CNTN3: variants seen among roughly 807,000 people sequenced by gnomAD.
The protein encoded by CNTN3 is contactin-3.
CNTN3 carries 60 observed loss-of-function variants against 119.1 expected under a neutral mutation model. The observed-to-expected ratio is 0.50, with a 90% confidence interval of 0.41 to 0.62. CNTN3 has a LOEUF of 0.62. Ranked by LOEUF, CNTN3 falls within the 20% of genes least tolerant of loss-of-function variation. The pLI, the probability that CNTN3 is intolerant of heterozygous loss-of-function variation, is 0.00. For missense variants in CNTN3, 1,101 were observed against 1,242.4 expected (o/e 0.89, Z 1.71); for synonymous variants, 450 against 438.7 (o/e 1.03, Z -0.32).
chr3:74,394,532 C>T (rs1175073720), intron 5 of CNTN3, among the ~76,000 whole-genome samples: 1 of 151,980 alleles, frequency 6.6e-6, no homozygotes, highest in Non-Finnish European at 1.5e-5. Flanking sequence ...TAAAAACTCA[C>T]TATGAAGATG....
chr3:74,529,619 A>G (rs564054480), intron 1 of CNTN3, among the ~76,000 whole-genome samples: 2 of 152,098 alleles, frequency 1.3e-5, no homozygotes, highest in Non-Finnish European at 2.9e-5. Flanking sequence ...TTGTAAAATC[A>G]TTTATTACAC....
intron 4 of CNTN3, among the ~76,000 whole-genome samples, chr3:74,478,617 G>A (rs1702704150): frequency 6.6e-6 from 1 of 152,092 alleles, no homozygotes; most frequent in Non-Finnish European, 1.5e-5. Context: ...AGGTAATAAT[G>A]AGGTGAGCCC....
chr3:74,416,836 A>G (rs1469319301), intron 5 of CNTN3, among the ~76,000 whole-genome samples: 1 of 151,924 alleles, frequency 6.6e-6, no homozygotes, highest in Non-Finnish European at 1.5e-5. Context: ...AAAAACACAA[A>G]AATTAGCCGG....
chr3:74,318,400 G>A (rs1702892321), intron 13 of CNTN3, among the ~76,000 whole-genome samples: 2 of 152,158 alleles, frequency 1.3e-5, no homozygotes, highest in African/African-American at 4.8e-5. Context: ...TCCTTTGGAG[G>A]AGGAGAGGCG....
intron 4 of CNTN3, among the ~76,000 whole-genome samples, chr3:74,426,083 C>G (rs1039342994): frequency 6.6e-6 from 1 of 152,092 alleles, no homozygotes; most frequent in East Asian, 1.9e-4. Flanking sequence ...CAATCCAGTA[C>G]AGCAAATACT....
intron 1 of CNTN3, among the ~76,000 whole-genome samples, chr3:74,582,220 C>G (rs915138774): frequency 1.3e-5 from 2 of 152,098 alleles, no homozygotes; most frequent in Non-Finnish European, 2.9e-5. Context: ...TCCTGGCTAA[C>G]ACAGTGAAAC....
intron 2 of CNTN3, among the ~76,000 whole-genome samples, chr3:74,507,401 G>C (rs1460718315): frequency 1.4e-5 from 2 of 140,440 alleles, no homozygotes; most frequent in Non-Finnish European, 3.0e-5. Flanking sequence ...CTGGGCAACA[G>C]AGTGAGACCC....
At chr3:74,336,096 T>G (rs1447864394) in intron 12 of CNTN3, among the ~76,000 whole-genome samples, 1 of 152,122 alleles carries the variant, frequency 6.6e-6, no homozygotes, top group Non-Finnish European at 1.5e-5. Flanking sequence ...GGTGCTCCAA[T>G]TTTTTCATGA....
chr3:74,292,269 A>G (rs1219907334), intron 19 of CNTN3, among the ~76,000 whole-genome samples: 1 of 152,220 alleles, frequency 6.6e-6, no homozygotes, highest in Non-Finnish European at 1.5e-5. Flanking sequence ...GTTTATTATG[A>G]TGAGCCAGAA....
intron 19 of CNTN3, 33 bp from the exon 20 acceptor site, chr3:74,285,524 CTT>C: frequency 6.4e-7 from 1 of 1,562,918 alleles, no homozygotes; most frequent in Non-Finnish European, 8.6e-7. Flanking sequence ...CATGTGAAGG[CTT>C]AAAAAATTCT....
intron 4 of CNTN3, among the ~76,000 whole-genome samples, chr3:74,433,225 A>T (rs1701813489): frequency 6.6e-6 from 1 of 152,090 alleles, no homozygotes; most frequent in African/African-American, 2.4e-5. Flanking sequence ...ATAGTGGAGG[A>T]ATTTCCCTGG....
intron 4 of CNTN3, among the ~76,000 whole-genome samples, chr3:74,451,732 T>A (rs1702159705): frequency 6.6e-6 from 1 of 150,916 alleles, no homozygotes; most frequent in African/African-American, 2.4e-5. Context: ...TTTCTACATA[T>A]GGCTAGCCAG....
intron 1 of CNTN3, among the ~76,000 whole-genome samples, chr3:74,545,992 CCTTT>C (rs1053467807): frequency 2.2e-4 from 33 of 151,982 alleles, no homozygotes; most frequent in African/African-American, 7.7e-4. Context: ...TGAACTTTTT[CCTTT>C]CTTTTTTTTT....
intron 4 of CNTN3, among the ~76,000 whole-genome samples, chr3:74,468,974 T>C (rs936223272): frequency 3.3e-5 from 5 of 152,254 alleles, no homozygotes; most frequent in South Asian, 4.1e-4. Flanking sequence ...TAAAGGCCAT[T>C]GTTATACTGT....
rs199848451 is a variant in CNTN3 at position 74,301,714 on chromosome 3, G to C, written c.1878C>G (p.Ser626Arg). 3.0e-5 allele frequency: 49 copies of C among 1,613,966 alleles called. No individual in the cohort carries two copies. The highest frequency in any genetic ancestry group is 5.1e-6 in the Non-Finnish European group (6 of 1,179,986). Residue 626 changes from serine to arginine, a missense_variant, in exon 15 of 23, where the codon AGC becomes AGG. Ser to Arg is a moderately radical substitution (Grantham distance 110). Coordinates refer to ENST00000263665, the MANE Select transcript of CNTN3 (RefSeq NM_020872.3). ...CCTGGATAGAATAGGATATAACTGG[G>C]CTATGGTTGTCTTTACCTTCTTTCC... is the stretch of plus-strand genomic sequence containing the variant. Reference protein sequence around the residue: ...LSWKEGKDNHSPVISYSIQAR... With the variant: ...LSWKEGKDNHRPVISYSIQAR...
intron 1 of CNTN3, among the ~76,000 whole-genome samples, chr3:74,522,222 C>T (rs1703553535): frequency 6.6e-6 from 1 of 151,858 alleles, no homozygotes; most frequent in South Asian, 2.1e-4. Flanking sequence ...GTCATCATTC[C>T]TATAATAATA....
chr3:74,437,319 G>A (rs557028078), intron 4 of CNTN3, among the ~76,000 whole-genome samples: 87 of 152,082 alleles, frequency 5.7e-4, no homozygotes, highest in South Asian at 1.5e-3. Context: ...AAAATTAGCC[G>A]GGTGTGGTGG....
intron 5 of CNTN3, among the ~76,000 whole-genome samples, chr3:74,374,283 G>GT (rs397874867): frequency 0.037 from 5,215 of 142,296 alleles, 266 homozygotes; most frequent in African/African-American, 0.12. Context: ...CTTTTTTCCA[G>GT]TTTTTTTTTT....
intron 2 of CNTN3, among the ~76,000 whole-genome samples, chr3:74,509,640 A>C (rs1398328197): frequency 6.6e-6 from 1 of 152,164 alleles, no homozygotes; most frequent in Non-Finnish European, 1.5e-5. Flanking sequence ...ACAGATTATA[A>C]ATAAGTAACC....
Sources: allele counts gnomAD v4.1 joint callset (sites outside exome capture counted in the v4.1 genomes callset), GRCh38; gene constraint gnomAD v4.1.1; transcripts MANE v1.5; gene names NCBI Gene and HGNC (gene_info 2026-07-23, HGNC 2026-07-21).